The following TCERG1L variants were observed in gnomAD, a reference collection of about 807,000 sequenced individuals.
The protein encoded by TCERG1L is transcription elongation regulator 1-like protein.
TCERG1L carries 37 observed loss-of-function variants against 56.3 expected under a neutral mutation model. The ratio of observed to expected loss-of-function variants is 0.66; its 90% CI spans 0.51 to 0.87. The LOEUF (loss-of-function observed/expected upper bound fraction) is 0.87, where lower values mean the gene tolerates loss of function less well. TCERG1L is among the 40% of genes least tolerant of loss of function. The pLI is 0.00. For missense variants in TCERG1L, 799 were observed against 774.2 expected (o/e 1.03, Z -0.38); for synonymous variants, 324 against 326.3 (o/e 0.99, Z 0.08).
At chr10:131,222,006 T>C (rs550746914) in intron 4 of TCERG1L, among the ~76,000 whole-genome samples, 2 of 152,294 alleles carry the variant, frequency 1.3e-5, no homozygotes, top group South Asian at 4.1e-4. Flanking sequence ...TTCCTATTCC[T>C]CCAGGGAGCA....
intron 3 of TCERG1L, among the ~76,000 whole-genome samples, chr10:131,262,114 G>A (rs552821466): frequency 3.0e-4 from 46 of 152,252 alleles, no homozygotes; most frequent in African/African-American, 9.6e-4. Flanking sequence ...AGACATAGGC[G>A]GGGGATGACT....
chr10:131,159,762 T>C (rs1845957499), intron 6 of TCERG1L, among the ~76,000 whole-genome samples: 1 of 152,124 alleles, frequency 6.6e-6, no homozygotes, highest in Non-Finnish European at 1.5e-5. Context: ...TTCCCAGGCC[T>C]GCGTGCATCA....
chr10:131,291,931 C>A (rs1846632629), intron 3 of TCERG1L, among the ~76,000 whole-genome samples: 1 of 152,132 alleles, frequency 6.6e-6, no homozygotes, highest in Non-Finnish European at 1.5e-5. Flanking sequence ...GTATTTTCTT[C>A]AATTACAGCA....
At chr10:131,146,741 A>T (rs878913349) in intron 6 of TCERG1L, 81 bp from the exon 7 acceptor site, 3 of 1,444,102 alleles carry the variant, frequency 2.1e-6, no homozygotes, top group South Asian at 1.6e-5. Context: ...CTCACTGAAA[A>T]AGCCCCTCAG....
intron 6 of TCERG1L, among the ~76,000 whole-genome samples, chr10:131,152,671 C>T (rs1353059796): frequency 6.6e-6 from 1 of 152,294 alleles, no homozygotes; most frequent in East Asian, 1.9e-4. Flanking sequence ...TAGCAGCACC[C>T]CACTCCTGGT....
intron 3 of TCERG1L, among the ~76,000 whole-genome samples, chr10:131,304,227 G>C (rs1236013653): frequency 2.6e-5 from 4 of 151,982 alleles, no homozygotes; most frequent in African/African-American, 4.8e-5. Flanking sequence ...ATTTGCCTTT[G>C]CTGGAAAGAA....
intron 8 of TCERG1L, among the ~76,000 whole-genome samples, chr10:131,125,429 G>A (rs1439092889): frequency 6.6e-6 from 1 of 152,184 alleles, no homozygotes; most frequent in Non-Finnish European, 1.5e-5. Flanking sequence ...CTGTAAATCT[G>A]GTGTTAGACA....
chr10:131,305,858 C>T (rs1385894264), intron 3 of TCERG1L, among the ~76,000 whole-genome samples: 1 of 150,426 alleles, frequency 6.6e-6, no homozygotes, highest in South Asian at 2.1e-4. Flanking sequence ...TAGATTTATA[C>T]ATTATATATT....
chr10:131,208,028 C>G (rs1356999995), intron 4 of TCERG1L, among the ~76,000 whole-genome samples: 2 of 152,162 alleles, frequency 1.3e-5, no homozygotes, highest in Non-Finnish European at 2.9e-5. Flanking sequence ...GCCACCAAGG[C>G]ACCCTAGGGA....
intron 9 of TCERG1L, among the ~76,000 whole-genome samples, chr10:131,114,841 T>C (rs1168457144): frequency 6.6e-6 from 1 of 152,198 alleles, no homozygotes; most frequent in Non-Finnish European, 1.5e-5. Context: ...CTTTCCCAAA[T>C]GTTCACGATG....
intron 7 of TCERG1L, among the ~76,000 whole-genome samples, chr10:131,138,048 C>A (rs1845694801): frequency 6.6e-6 from 1 of 152,214 alleles, no homozygotes; most frequent in Non-Finnish European, 1.5e-5. Context: ...GTGGGCAGAT[C>A]ACCTGAGGTC....
At chr10:131,174,602 A>G (rs1203783531) in intron 4 of TCERG1L, among the ~76,000 whole-genome samples, 1 of 152,150 alleles carries the variant, frequency 6.6e-6, no homozygotes, top group African/African-American at 2.4e-5. Context: ...TCCACTATAA[A>G]TGGAGATAAT....
intron 3 of TCERG1L, among the ~76,000 whole-genome samples, chr10:131,288,533 C>A (rs1342028143): frequency 6.6e-6 from 1 of 152,158 alleles, no homozygotes; most frequent in Non-Finnish European, 1.5e-5. Context: ...CCCTCCACCC[C>A]ACTATCAACA....
intron 4 of TCERG1L, among the ~76,000 whole-genome samples, chr10:131,174,592 T>C (rs546607459): frequency 6.6e-6 from 1 of 152,326 alleles, no homozygotes; most frequent in South Asian, 2.1e-4. Flanking sequence ...CTCGTTGAAC[T>C]CCACTATAAA....
At chr10:131,214,623 G>A (rs143306009) in intron 4 of TCERG1L, among the ~76,000 whole-genome samples, 5 of 152,304 alleles carry the variant, frequency 3.3e-5, no homozygotes, top group Non-Finnish European at 4.4e-5. Flanking sequence ...TGACAGACGC[G>A]GTTCAGAGAG....
chr10:131,248,877 C>T (rs918577248), intron 4 of TCERG1L, among the ~76,000 whole-genome samples: 6 of 152,222 alleles, frequency 3.9e-5, no homozygotes, highest in African/African-American at 9.6e-5. Flanking sequence ...GTCTCAGAGT[C>T]GGCTTCTGAC....
rs530706789 is a variant in TCERG1L, at chr10:131,149,034, CTT to C, written c.1035-2376_1035-2375del. On this transcript the variant is annotated intron_variant, in intron 6 of 11. Coordinates refer to ENST00000368642, the MANE Select transcript of TCERG1L (RefSeq NM_174937.4). Reference sequence around the variant, plus strand: ...ATGACCTGCCCTTCTGCCTGGCAAACTTTCCAGCTCCAGCCCTGCCCTTGACC... The same window carrying C: ...ATGACCTGCCCTTCTGCCTGGCAAACTCCAGCTCCAGCCCTGCCCTTGACC... 1.3e-3 allele frequency among the ~76,000 whole-genome samples: 192 copies of C among 152,358 alleles called. 3 individuals are homozygous for C. The highest frequency in any genetic ancestry group is 4.5e-3 in the African/African-American group (187 of 41,592).
intron 3 of TCERG1L, among the ~76,000 whole-genome samples, chr10:131,268,553 A>G (rs1300212796): frequency 1.3e-5 from 2 of 152,108 alleles, no homozygotes; most frequent in Non-Finnish European, 2.9e-5. Flanking sequence ...TATAGCTATA[A>G]AAGTCCTAGA....
chr10:131,134,673 G>C (rs1445587992), intron 7 of TCERG1L, among the ~76,000 whole-genome samples: 1 of 152,224 alleles, frequency 6.6e-6, no homozygotes, highest in African/African-American at 2.4e-5. Context: ...GTCCTCTTTA[G>C]AGACTGTCTG....
Sources: gnomAD v4.1 joint callset for allele counts (sites outside exome capture counted in the v4.1 genomes callset) on GRCh38, gnomAD v4.1.1 for gene constraint, MANE v1.5 for transcripts, NCBI Gene and HGNC (gene_info 2026-07-23, HGNC 2026-07-21) for gene names.